XPO1: variants seen among roughly 807,000 people sequenced by gnomAD.
XPO1 encodes the protein exportin-1.
XPO1 carries 5 observed loss-of-function variants against 133.3 expected under a neutral mutation model. That is an observed-to-expected ratio of 0.04 (90% CI 0.02 to 0.08). The LOEUF (loss-of-function observed/expected upper bound fraction) is 0.08. Ranked by LOEUF, XPO1 falls within the 10% of genes least tolerant of loss-of-function variation. The pLI, the probability that XPO1 is intolerant of heterozygous loss-of-function variation, is 1.00. For synonymous variants in XPO1, 419 were observed against 408.2 expected (o/e 1.03, Z -0.32); for missense variants, 506 against 1,267.5 (o/e 0.40, Z 9.12).
At chr2:61,525,464 A>C in intron 3 of XPO1, 1 of 1,006,430 alleles carries the variant, frequency 9.9e-7, no homozygotes, top group Middle Eastern at 4.9e-4. Flanking sequence ...AATCATTTGT[A>C]ATTTATGTAA....
intron 6 of XPO1, among the ~76,000 whole-genome samples, 184 bp from the exon 7 acceptor site, chr2:61,500,078 A>C (rs1186740130): frequency 2.0e-5 from 3 of 152,166 alleles, no homozygotes; most frequent in Admixed American, 2.0e-4. Flanking sequence ...ACAAAACACA[A>C]AGTCTTTTAT....
In XPO1 at chr2:61,498,665, C is replaced by T. The variant is rs1300207629; in HGVS notation, c.759+8G>A. ...CGGTGACAAATAACTGAAATGTATT[C>T]ACTGTACCTTATAAATCAATGTGCT... On this transcript the variant is annotated splice_region_variant and intron_variant, in intron 9 of 24. Coordinates refer to ENST00000401558, the MANE Select transcript of XPO1 (RefSeq NM_003400.4). The T allele has an allele frequency of 2.5e-6, 4 of 1,613,168 alleles. No individual in the cohort carries two copies. In the East Asian group the frequency reaches 6.7e-5, roughly 27 times the overall value.
intron 4 of XPO1, among the ~76,000 whole-genome samples, chr2:61,516,859 CTCT>C (rs1429005388): frequency 6.6e-6 from 1 of 151,916 alleles, no homozygotes; most frequent in Non-Finnish European, 1.5e-5. Context: ...AGGAGGCTTC[CTCT>C]TTTTTTTTAT....
chr2:61,526,872 T>C (rs1269407511), intron 2 of XPO1, among the ~76,000 whole-genome samples: 2 of 152,116 alleles, frequency 1.3e-5, no homozygotes, highest in African/African-American at 2.4e-5. Context: ...CACAGCCAGC[T>C]AATTTTTGTA....
At chr2:61,519,697 TCAAAAA>T (rs1283317482) in intron 4 of XPO1, among the ~76,000 whole-genome samples, 1 of 19,828 alleles carries the variant, frequency 5.0e-5, no homozygotes, top group Admixed American at 6.5e-4. Flanking sequence ...AGACTCCGTC[TCAAAAA>T]AAAAAAAAAA....
intron 4 of XPO1, among the ~76,000 whole-genome samples, chr2:61,520,781 T>C (rs1037525826): frequency 1.3e-5 from 2 of 152,146 alleles, no homozygotes; most frequent in African/African-American, 2.4e-5. Flanking sequence ...TCAAATGTGA[T>C]AAAAAACAGA....
chr2:61,518,410 AAAACAAAACACACACACAC>A lies in XPO1; in HGVS notation c.301+4182_301+4200del, dbSNP rs1466818298. Among the ~76,000 whole-genome samples, 325 of 144,942 alleles carry A rather than the reference AAAACAAAACACACACACAC, an allele frequency of 2.2e-3. 2 individuals carry two copies. The highest frequency in any genetic ancestry group is 6.0e-3 in the African/African-American group (228 of 38,084). On this transcript the variant is annotated intron_variant, in intron 4 of 24. Transcript: ENST00000401558. Reference sequence around the variant, plus strand: ...TACTAAAAAAAAAAACAAAAAACAAAAAACAAAACACACACACACACACACACACACACACACACACACA... The same window carrying A: ...TACTAAAAAAAAAAACAAAAAACAAAACACACACACACACACACACACACA...
chr2:61,499,956 C>G lies in XPO1; in HGVS notation c.409-62G>C. ...TCTCAAAGGCAAATAAAACAAACTT[C>G]AAAGAAATTATGTAATGGATAAAGG... On this transcript the variant is annotated intron_variant, in intron 6 of 24. Transcript: ENST00000401558. 6 of 1,501,910 alleles carry G rather than the reference C, an allele frequency of 4.0e-6. No homozygotes were observed. The South Asian group carries it at 7.3e-5, about 18-fold the overall frequency. 93.0% of individuals were successfully genotyped at this position (1,501,910 alleles called of 1,614,324 possible).
At chr2:61,491,756 G>C (rs1339089561) in intron 16 of XPO1, among the ~76,000 whole-genome samples, 1 of 152,086 alleles carries the variant, frequency 6.6e-6, no homozygotes, top group East Asian at 1.9e-4. Flanking sequence ...GGTTAGCTGA[G>C]TGTGATGGCA....
intron 1 of XPO1, among the ~76,000 whole-genome samples, chr2:61,535,955 T>C (rs987476301): frequency 4.6e-5 from 7 of 152,246 alleles, no homozygotes; most frequent in Admixed American, 2.6e-4. Flanking sequence ...CCAAGATCCA[T>C]GTATCAAAAG....
chr2:61,533,106 G>A (rs980800663), intron 2 of XPO1, among the ~76,000 whole-genome samples: 1 of 152,272 alleles, frequency 6.6e-6, no homozygotes, highest in African/African-American at 2.4e-5. Context: ...TTGAACCCAG[G>A]AGGCAGGGGT....
chr2:61,501,678 A>G (rs1697527899), intron 6 of XPO1, among the ~76,000 whole-genome samples: 1 of 148,704 alleles, frequency 6.7e-6, no homozygotes, highest in Non-Finnish European at 1.5e-5. Flanking sequence ...AGCCGAGATC[A>G]TGCCACTGCA....
intron 6 of XPO1, 53 bp downstream of exon 6, chr2:61,501,943 G>T (rs1435029653): frequency 2.1e-6 from 3 of 1,454,870 alleles, no homozygotes; most frequent in East Asian, 4.6e-5. Context: ...CGAACATTTT[G>T]TTCAAATAAT....
chr2:61,510,843 A>G (rs1019596044), intron 4 of XPO1, among the ~76,000 whole-genome samples: 8 of 151,486 alleles, frequency 5.3e-5, no homozygotes, highest in African/African-American at 1.9e-4. Flanking sequence ...AGACTGACGC[A>G]GGAGGATTGC....
In XPO1 at chr2:61,489,977, G is replaced by A. The variant is rs767804036; in HGVS notation, c.2022+665C>T. Among the ~76,000 whole-genome samples, 7 of 149,578 alleles carry A rather than the reference G, an allele frequency of 4.7e-5. No individual in the cohort carries two copies. In the East Asian group the frequency reaches 5.9e-4, roughly 13 times the overall value. ...ATGCTCTTGACTCACTGCAAGCTCC[G>A]CCTCCTGGGTTCAAGCCATTCTCCT... On this transcript the variant is annotated intron_variant, in intron 17 of 24. Transcript: ENST00000401558.
chr2:61,528,050 C>T (rs1392592694), intron 2 of XPO1, among the ~76,000 whole-genome samples: 1 of 151,802 alleles, frequency 6.6e-6, no homozygotes, highest in South Asian at 2.1e-4. Flanking sequence ...CCTCAGCCTC[C>T]CAAGTAGCTG....
chr2:61,512,018 C>G (rs1698123499), intron 4 of XPO1, among the ~76,000 whole-genome samples: 1 of 152,050 alleles, frequency 6.6e-6, no homozygotes. Flanking sequence ...AATTGCCTGC[C>G]TAGGCCTCCC....
At chr2:61,525,060 T>A (rs1558675492) in intron 3 of XPO1, among the ~76,000 whole-genome samples, 1 of 151,964 alleles carries the variant, frequency 6.6e-6, no homozygotes, top group Non-Finnish European at 1.5e-5. Flanking sequence ...ACTTGAGAAA[T>A]CCACTGCTGA....
chr2:61,509,546 A>G (rs1697987890), intron 4 of XPO1, among the ~76,000 whole-genome samples: 1 of 152,072 alleles, frequency 6.6e-6, no homozygotes, highest in Non-Finnish European at 1.5e-5. Flanking sequence ...GAATCACTTC[A>G]ACCCAGGAGG....
Sources: allele counts gnomAD v4.1 joint callset (sites outside exome capture counted in the v4.1 genomes callset), GRCh38; gene constraint gnomAD v4.1.1; transcripts MANE v1.5; gene names NCBI Gene and HGNC (gene_info 2026-07-23, HGNC 2026-07-21).